Variants in NKAIN3 observed in about 807,000 individuals in gnomAD.
The protein encoded by NKAIN3 is sodium/potassium transporting ATPase interacting 3, also known as sodium/potassium-transporting ATPase subunit beta-1-interacting protein 3.
NKAIN3 carries 25 observed loss-of-function variants against 30.2 expected under a neutral mutation model. The ratio of observed to expected loss-of-function variants is 0.83; its 90% CI spans 0.60 to 1.16. The LOEUF (loss-of-function observed/expected upper bound fraction) is 1.16. Among genes scored for constraint, NKAIN3 ranks in the 50% most tolerant of loss-of-function variants. The probability of loss-of-function intolerance (pLI) is 0.00; values close to 1 mark genes in which losing one functional copy is unlikely to be tolerated. For synonymous variants in NKAIN3, 91 were observed against 89.6 expected (o/e 1.02, Z -0.09); for missense variants, 225 against 254.1 (o/e 0.89, Z 0.78).
rs1231266504 is a variant in NKAIN3, at chr8:62,984,049, G to A, written c.*18642G>A. 6.6e-6 allele frequency: 1 copy of A among 152,166 alleles called. No individual in the cohort carries two copies. Among genetic ancestry groups the A allele is most frequent in the Non-Finnish European group, 1.5e-5 (1 of 68,028 alleles). 9.4% of individuals were successfully genotyped at this position (152,166 alleles called of 1,614,324 possible). A position where few individuals can be genotyped will look rare whatever the true frequency, so the allele number is the denominator to read the frequency against. On this transcript the variant is annotated 3_prime_UTR_variant, in exon 7 of 7. Coordinates refer to ENST00000623646, the MANE Select transcript of NKAIN3 (RefSeq NM_001304533.3). ...GGTAACCATGATGTAATTGCAGATT[G>A]ACACATCTTTGGGTTTTTCATTATT...
At chr8:62,357,559 T>C (rs933251746) in intron 1 of NKAIN3, among the ~76,000 whole-genome samples, 1 of 152,306 alleles carries the variant, frequency 6.6e-6, no homozygotes, top group African/African-American at 2.4e-5. Context: ...TCCCCAAAAA[T>C]GTGATATTCC....
intron 1 of NKAIN3, among the ~76,000 whole-genome samples, chr8:62,252,357 T>C (rs977638727): frequency 1.3e-5 from 2 of 152,214 alleles, no homozygotes; most frequent in Non-Finnish European, 2.9e-5. Context: ...AATAAAAGCT[T>C]TTCGTTATCT....
intron 1 of NKAIN3, among the ~76,000 whole-genome samples, chr8:62,455,568 C>T (rs1003811433): frequency 2.0e-5 from 3 of 152,144 alleles, no homozygotes; most frequent in African/African-American, 7.2e-5. Context: ...TAACTGAGTA[C>T]TATGCTCACT....
At chr8:62,853,670 G>C (rs1280565699) in intron 4 of NKAIN3, among the ~76,000 whole-genome samples, 1 of 152,048 alleles carries the variant, frequency 6.6e-6, no homozygotes, top group Non-Finnish European at 1.5e-5. Context: ...TCCTGGATTT[G>C]TTGATTTTTG....
At chr8:62,427,566 T>C (rs1047489300) in intron 1 of NKAIN3, among the ~76,000 whole-genome samples, 18 of 152,000 alleles carry the variant, frequency 1.2e-4, no homozygotes, top group African/African-American at 3.6e-4. Context: ...ACAGACATGA[T>C]TTATTAGTAA....
At chr8:62,993,638 A>G (rs2130935323) in intron 5 of NKAIN3, among the ~76,000 whole-genome samples, 1 of 152,134 alleles carries the variant, frequency 6.6e-6, no homozygotes, top group South Asian at 2.1e-4. Context: ...CTTTTTGCAA[A>G]CGAATCACTC....
chr8:62,987,413 C>T (rs571726767), downstream of NKAIN3, among the ~76,000 whole-genome samples: 1 of 152,182 alleles, frequency 6.6e-6, no homozygotes, highest in Admixed American at 6.5e-5. Flanking sequence ...TAATAAAGAC[C>T]TACCTGAGAC....
intron 1 of NKAIN3, among the ~76,000 whole-genome samples, chr8:62,316,313 G>T (rs1040686688): frequency 2.6e-5 from 4 of 151,962 alleles, no homozygotes; most frequent in African/African-American, 9.7e-5. Context: ...AAGTTTTAGG[G>T]TACATGTGCA....
chr8:62,707,809 G>A (rs1454837430), intron 3 of NKAIN3, among the ~76,000 whole-genome samples: 2 of 152,116 alleles, frequency 1.3e-5, no homozygotes, highest in East Asian at 3.9e-4. Context: ...CAAAGCCAAT[G>A]TCTAGAAAGA....
intron 1 of NKAIN3, among the ~76,000 whole-genome samples, chr8:62,327,859 C>A (rs1439528417): frequency 1.3e-5 from 2 of 151,936 alleles, no homozygotes; most frequent in African/African-American, 2.4e-5. Context: ...ATCTATAGAT[C>A]ATTTGCGGGG....
chr8:62,493,685 T>C (rs919012743), intron 1 of NKAIN3, among the ~76,000 whole-genome samples: 9 of 152,144 alleles, frequency 5.9e-5, no homozygotes, highest in Admixed American at 2.0e-4. Context: ...GTTTGTGTCA[T>C]CTCCATCTCT....
intron 1 of NKAIN3, among the ~76,000 whole-genome samples, chr8:62,567,085 A>G (rs945949529): frequency 1.3e-5 from 2 of 152,030 alleles, no homozygotes; most frequent in Admixed American, 6.6e-5. Flanking sequence ...TCTTATACCT[A>G]TATTACAAAT....
chr8:62,573,914 A>G (rs1248253189), intron 1 of NKAIN3, among the ~76,000 whole-genome samples: 2 of 152,158 alleles, frequency 1.3e-5, no homozygotes, highest in African/African-American at 4.8e-5. Context: ...CTATTTTAAA[A>G]TGTACAATTA....
Position 62,248,983 on chromosome 8 carries a change from G to C in NKAIN3, c.-91G>C. ...CGCGGGGCCGAGGAGCCTGGGCCGGGCCGGGCGGGGACTACTCCGGAGTCA... is the reference window on the plus strand; with the variant it reads ...CGCGGGGCCGAGGAGCCTGGGCCGGCCCGGGCGGGGACTACTCCGGAGTCA... On this transcript the variant is annotated 5_prime_UTR_variant, in exon 1 of 7. Transcript: ENST00000623646. The C allele has an allele frequency of 1.6e-6, 2 of 1,238,420 alleles. No homozygotes were observed. The highest frequency in any genetic ancestry group is 2.2e-6 in the Non-Finnish European group (2 of 892,192). 76.7% of individuals were successfully genotyped at this position (1,238,420 alleles called of 1,614,324 possible).
intron 3 of NKAIN3, among the ~76,000 whole-genome samples, chr8:62,738,386 G>A (rs1367841380): frequency 6.6e-6 from 1 of 152,106 alleles, no homozygotes; most frequent in African/African-American, 2.4e-5. Context: ...GATCACCTGA[G>A]GTCAGGAGTT....
At chr8:62,287,672 G>GT (rs1239550930) in intron 1 of NKAIN3, among the ~76,000 whole-genome samples, 6 of 152,068 alleles carry the variant, frequency 3.9e-5, no homozygotes, top group Admixed American at 2.0e-4. Context: ...TCTCTTAGGA[G>GT]TTTTTTTATG....
chr8:62,587,311 TTGTAA>T lies in NKAIN3; in HGVS notation c.193-2397_193-2393del, dbSNP rs1303086143. 3.3e-5 allele frequency among the ~76,000 whole-genome samples: 5 copies of T among 152,128 alleles called. No individual in the cohort carries two copies. The South Asian group carries it at 6.2e-4, about 19-fold the overall frequency. On this transcript the variant is annotated intron_variant, in intron 2 of 6. Coordinates refer to ENST00000623646, the MANE Select transcript of NKAIN3 (RefSeq NM_001304533.3). ...GAAACACAAATTTATTAGAAGAAAC[TTGTAA>T]TGTAAATGTACTAGAAGATATTACA...
At chr8:62,541,158 GAAA>G (rs559897726) in intron 1 of NKAIN3, among the ~76,000 whole-genome samples, 2 of 147,452 alleles carry the variant, frequency 1.4e-5, no homozygotes, top group Non-Finnish European at 3.0e-5. Context: ...AAAAATACAA[GAAA>G]AAAAAAATAG....
At chr8:62,734,513 G>A (rs902966827) in intron 3 of NKAIN3, among the ~76,000 whole-genome samples, 6 of 152,192 alleles carry the variant, frequency 3.9e-5, no homozygotes, top group African/African-American at 1.2e-4. Context: ...AGGAATGTTT[G>A]AATTTCCCCT....
Sources: gnomAD v4.1 joint callset for allele counts (sites outside exome capture counted in the v4.1 genomes callset) on GRCh38, gnomAD v4.1.1 for gene constraint, MANE v1.5 for transcripts, NCBI Gene and HGNC (gene_info 2026-07-23, HGNC 2026-07-21) for gene names.